Variants in PRR16 observed in about 807,000 individuals in gnomAD.
The protein encoded by PRR16 is proline rich 16.
PRR16 carries 6 observed loss-of-function variants against 18.2 expected under a neutral mutation model. The observed-to-expected ratio is 0.33, with a 90% CI of 0.18 to 0.65. The LOEUF (loss-of-function observed/expected upper bound fraction) is 0.65, where lower values mean the gene tolerates loss of function less well. Ranked by LOEUF, PRR16 falls within the 30% of genes least tolerant of loss-of-function variation. The pLI, the probability that PRR16 is intolerant of heterozygous loss-of-function variation, is 0.74. For synonymous variants in PRR16, 151 were observed against 147.8 expected, an observed-to-expected ratio of 1.02 and a Z score of -0.16; for missense variants, 412 against 376.6, an observed-to-expected ratio of 1.09 and a Z score of -0.78.
chr5:120,687,632 C>G (rs1208908663), downstream of PRR16, among the ~76,000 whole-genome samples: 2 of 152,180 alleles, frequency 1.3e-5, no homozygotes, highest in African/African-American at 2.4e-5. Flanking sequence ...TTAGCAAGCT[C>G]TCTGCCTCCC....
intron 1 of PRR16, among the ~76,000 whole-genome samples, chr5:120,517,529 T>TTCTTTAAAG (rs1452071258): frequency 1.3e-5 from 2 of 152,156 alleles, no homozygotes; most frequent in Non-Finnish European, 2.9e-5. Context: ...TTAAAGAACA[T>TTCTTTAAAG]AAATCGTAAG....
the PRR16 span, among the ~76,000 whole-genome samples, chr5:120,756,590 T>A: frequency 1.3e-5 from 2 of 152,132 alleles, no homozygotes; most frequent in African/African-American, 4.8e-5. Context: ...TGCCTGTATG[T>A]CTTTTGAGAA....
chr5:120,721,339 A>G, the PRR16 span, among the ~76,000 whole-genome samples: 1 of 152,064 alleles, frequency 6.6e-6, no homozygotes, highest in South Asian at 2.1e-4. Flanking sequence ...GATAAATTCC[A>G]TAGAAAAATA....
chr5:120,532,095 T>C (rs1751569967), intron 1 of PRR16, among the ~76,000 whole-genome samples: 1 of 152,152 alleles, frequency 6.6e-6, no homozygotes, highest in African/African-American at 2.4e-5. Context: ...AAATAAAATT[T>C]ATATGATGAT....
At chr5:120,496,886 A>G (rs1272087156) in intron 1 of PRR16, among the ~76,000 whole-genome samples, 1 of 151,932 alleles carries the variant, frequency 6.6e-6, no homozygotes, top group African/African-American at 2.4e-5. Flanking sequence ...CTCCACATAT[A>G]GTGACTTGTT....
chr5:120,786,421 CAG>C, the PRR16 span, among the ~76,000 whole-genome samples: 7 of 151,388 alleles, frequency 4.6e-5, no homozygotes, highest in Non-Finnish European at 8.8e-5. Context: ...AGAAATAAGA[CAG>C]ATTTTTTTTA....
chr5:120,678,719 A>T (rs929922852), intron 1 of PRR16, among the ~76,000 whole-genome samples: 28 of 152,206 alleles, frequency 1.8e-4, no homozygotes, highest in African/African-American at 6.8e-4. Context: ...ATATAAGATC[A>T]TATCATCTGC....
chr5:120,553,610 GA>G (rs1752324012), intron 1 of PRR16, among the ~76,000 whole-genome samples: 1 of 151,808 alleles, frequency 6.6e-6, no homozygotes, highest in Non-Finnish European at 1.5e-5. Flanking sequence ...AGCAATGAGT[GA>G]ATCATTTTCA....
At chr5:120,534,921 A>G (rs547856300) in intron 1 of PRR16, among the ~76,000 whole-genome samples, 13 of 152,348 alleles carry the variant, frequency 8.5e-5, no homozygotes, top group Admixed American at 7.2e-4. Context: ...TAGAAATGAC[A>G]TTATATTGAA....
chr5:120,518,153 T>C (rs536428262), intron 1 of PRR16, among the ~76,000 whole-genome samples: 2 of 152,252 alleles, frequency 1.3e-5, no homozygotes, highest in South Asian at 4.1e-4. Context: ...AGAGTGACAG[T>C]AATACATATC....
intron 1 of PRR16, among the ~76,000 whole-genome samples, chr5:120,472,215 T>C (rs1403815671): frequency 1.3e-5 from 2 of 152,174 alleles, no homozygotes; most frequent in African/African-American, 4.8e-5. Flanking sequence ...TAACATATGT[T>C]ATCCTTGTCT....
intron 1 of PRR16, among the ~76,000 whole-genome samples, chr5:120,478,160 A>T (rs2112807101): frequency 6.6e-6 from 1 of 152,258 alleles, no homozygotes; most frequent in Middle Eastern, 3.4e-3. Flanking sequence ...AAATTACTGG[A>T]TCTCTTTCAG....
At chr5:120,772,620 C>A in the PRR16 span, among the ~76,000 whole-genome samples, 2 of 151,938 alleles carry the variant, frequency 1.3e-5, no homozygotes, top group African/African-American at 4.8e-5. Flanking sequence ...CCTAGAAGGG[C>A]TGACTGGAAT....
At chr5:120,756,464 T>C in the PRR16 span, among the ~76,000 whole-genome samples, 1 of 152,008 alleles carries the variant, frequency 6.6e-6, no homozygotes, top group Non-Finnish European at 1.5e-5. Flanking sequence ...GCATCGGCCA[T>C]TTGTTGACTT....
At chr5:120,472,441 C>T (rs914679983) in intron 1 of PRR16, among the ~76,000 whole-genome samples, 1 of 152,040 alleles carries the variant, frequency 6.6e-6, no homozygotes, top group Admixed American at 6.6e-5. Context: ...TCCCTCCCCC[C>T]ATATCACAAA....
chr5:120,559,532 A>G (rs1330729730), intron 1 of PRR16, among the ~76,000 whole-genome samples: 3 of 151,936 alleles, frequency 2.0e-5, no homozygotes, highest in Non-Finnish European at 4.4e-5. Context: ...TTTTTATGTT[A>G]GTACCATACT....
chr5:120,724,708 C>T, the PRR16 span, among the ~76,000 whole-genome samples: 1 of 152,028 alleles, frequency 6.6e-6, no homozygotes, highest in African/African-American at 2.4e-5. Context: ...ATCTCCCCTA[C>T]CTGCACATCT....
chr5:120,649,209 A>G (rs1467524250), intron 1 of PRR16, among the ~76,000 whole-genome samples: 1 of 152,106 alleles, frequency 6.6e-6, no homozygotes, highest in Non-Finnish European at 1.5e-5. Context: ...GTCTATTTTA[A>G]TATTCTTTTC....
At chr5:120,522,903 A>G (rs1217529674) in intron 1 of PRR16, among the ~76,000 whole-genome samples, 1 of 152,160 alleles carries the variant, frequency 6.6e-6, no homozygotes, top group East Asian at 1.9e-4. Flanking sequence ...GGCATGAGCC[A>G]CCACACCCGG....
Sources: allele counts gnomAD v4.1 joint callset (sites outside exome capture counted in the v4.1 genomes callset), GRCh38; gene constraint gnomAD v4.1.1; transcripts MANE v1.5; gene names NCBI Gene and HGNC (gene_info 2026-07-23, HGNC 2026-07-21).